The following COA8 variants were observed in gnomAD, a reference collection of about 807,000 sequenced individuals.
The protein encoded by COA8 is cytochrome c oxidase assembly factor 8, also known as UPF0671 protein C14orf153.
COA8 carries 20 observed loss-of-function variants against 22.0 expected under a neutral mutation model. That is an observed-to-expected ratio of 0.91 (90% confidence interval 0.64 to 1.32). The LOEUF (loss-of-function observed/expected upper bound fraction) is 1.32. Ranked by LOEUF, COA8 falls within the 40% of genes most tolerant of loss-of-function variation. The pLI, the probability that COA8 is intolerant of heterozygous loss-of-function variation, is 0.00. For synonymous variants in COA8, 105 were observed against 79.9 expected, an observed-to-expected ratio of 1.31 and a Z score of -1.68; for missense variants, 266 against 230.0, an observed-to-expected ratio of 1.16 and a Z score of -1.01.
At chr14:103,567,136 G>C (rs917253999) in intron 1 of COA8, among the ~76,000 whole-genome samples, 1 of 152,264 alleles carries the variant, frequency 6.6e-6, no homozygotes, top group South Asian at 2.1e-4. Context: ...ACGTTGGAAG[G>C]CCGAGGCAGG....
chr14:103,579,998 G>C (rs1489147902), intron 3 of COA8, among the ~76,000 whole-genome samples: 1 of 149,300 alleles, frequency 6.7e-6, no homozygotes, highest in Non-Finnish European at 1.5e-5. Flanking sequence ...CATGACAACT[G>C]TTCATACAGC....
intron 3 of COA8, among the ~76,000 whole-genome samples, chr14:103,580,030 A>T (rs932791501): frequency 6.6e-6 from 1 of 151,834 alleles, no homozygotes; most frequent in Non-Finnish European, 1.5e-5. Context: ...ATTAGGTATC[A>T]TAAGTAATCC....
chr14:103,565,341 A>C (rs1464153625), intron 1 of COA8, among the ~76,000 whole-genome samples: 1 of 152,130 alleles, frequency 6.6e-6, no homozygotes, highest in Non-Finnish European at 1.5e-5. Context: ...TTTAAAACTC[A>C]GCTTTTCAGA....
chr14:103,563,250 T>C (rs1595132283), intron 1 of COA8, 126 bp downstream of exon 1: 10 of 1,302,186 alleles, frequency 7.7e-6, no homozygotes, highest in Non-Finnish European at 1.1e-5. Context: ...TCTCGCGTCC[T>C]ATCCCGAACA....
chr14:103,572,865 C>T (rs1270808777), intron 2 of COA8, among the ~76,000 whole-genome samples: 1 of 152,060 alleles, frequency 6.6e-6, no homozygotes, highest in African/African-American at 2.4e-5. Flanking sequence ...TTACTGCACC[C>T]TCCACCTCCC....
Position 103,563,093 on chromosome 14 carries a change from G to C in COA8, c.92G>C (p.Gly31Ala). 6.5e-7 allele frequency: 1 copy of C among 1,539,704 alleles called. No individual in the cohort carries two copies. The highest frequency in any genetic ancestry group is 1.4e-5 in the African/African-American group (1 of 73,326). Residue 31 changes from glycine to alanine, a missense_variant, in exon 1 of 5, where the codon GGC becomes GCC. Coordinates refer to ENST00000409074, the MANE Select transcript of COA8 (RefSeq NM_001370595.2). ...GGCTGTCAACTCGCTCCGGAGCGCG[G>C]CGCCGAGCGCAGGGATACGGCGCCC... The part of the protein sequence containing the change: ...CRGCQLAPER[G>A]AERRDTAPSG...
Position 103,590,246 on chromosome 14 carries a change from G to A in COA8, c.542G>A (p.Trp181Ter). The change falls in exon 5 of 5, where the codon TGG (tryptophan) becomes TAG (stop). Residue 181 changes from tryptophan to a stop codon, truncating the protein, a stop_gained. Transcript: ENST00000409074. LOFTEE classifies it low-confidence loss of function (END_TRUNC). ...FMGKVALERI[W>*]NKLKQKQKKR... Reference sequence around the variant, plus strand: ...GGAAAAGTGGCCCTGGAAAGGATTTGGAACAAGCTTAAACAGAAACAAAAG... The same window carrying A: ...GGAAAAGTGGCCCTGGAAAGGATTTAGAACAAGCTTAAACAGAAACAAAAG... The A allele has an allele frequency of 6.2e-7, 1 of 1,614,090 alleles. No homozygotes were observed. Among genetic ancestry groups the A allele is most frequent in the Non-Finnish European group, 8.5e-7 (1 of 1,179,960 alleles).
At chr14:103,580,734 C>T (rs1030830043) in intron 3 of COA8, among the ~76,000 whole-genome samples, 1 of 151,674 alleles carries the variant, frequency 6.6e-6, no homozygotes, top group Non-Finnish European at 1.5e-5. Context: ...CACCTCAGAT[C>T]CACCCACCTC....
chr14:103,573,992 A>G (rs1025331312), intron 2 of COA8, 115 bp from the exon 3 acceptor site: 1 of 1,319,604 alleles, frequency 7.6e-7, no homozygotes, highest in African/African-American at 1.5e-5. Flanking sequence ...CTTCTCAGAA[A>G]ATCCACATCT....
intron 4 of COA8, 101 bp downstream of exon 4, chr14:103,587,465 G>T: frequency 3.2e-6 from 2 of 631,530 alleles, no homozygotes; most frequent in Non-Finnish European, 5.1e-6. Context: ...TATATCAGAG[G>T]TAGAAGTTGC....
chr14:103,577,025 G>A (rs905558718), intron 3 of COA8, among the ~76,000 whole-genome samples: 8 of 152,158 alleles, frequency 5.3e-5, no homozygotes, highest in African/African-American at 7.2e-5. Flanking sequence ...GACAAATAAC[G>A]TGACTACAAG....
chr14:103,585,565 T>C (rs1390502089), intron 3 of COA8, among the ~76,000 whole-genome samples: 1 of 150,056 alleles, frequency 6.7e-6, no homozygotes, highest in Non-Finnish European at 1.5e-5. Flanking sequence ...TCCCGTTCTA[T>C]AGGTTTTTTC....
rs772896010 is a variant in COA8, at chr14:103,574,269, G to T, written c.385+99G>T. The T allele has an allele frequency of 1.9e-6, 3 of 1,549,296 alleles. No individual in the cohort carries two copies. The East Asian group carries it at 6.7e-5, about 35-fold the overall frequency. ...GCGGTGAGAGAGGTGGGGAAGTTCA[G>T]GGCGGTCCTTGGCCTGCTTTGGGGC... On this transcript the variant is annotated intron_variant, in intron 3 of 4. Transcript: ENST00000409074.
At chr14:103,567,690 A>G (rs1282067708) in intron 1 of COA8, 3 of 152,282 alleles carry the variant, frequency 2.0e-5, no homozygotes, top group Non-Finnish European at 4.4e-5. Flanking sequence ...CCAGCCCACA[A>G]ATCATCTTTA....
At chr14:103,579,418 C>T (rs1285904042) in intron 3 of COA8, 6 of 197,972 alleles carry the variant, frequency 3.0e-5, no homozygotes, top group Non-Finnish European at 4.3e-5. Flanking sequence ...GGCACGATCT[C>T]GGCTCACTGC....
At chr14:103,564,571 CTTTT>C (rs561702478) in intron 1 of COA8, among the ~76,000 whole-genome samples, 24,039 of 91,742 alleles carry the variant, frequency 0.26, 3,112 homozygotes, top group East Asian at 0.36. Flanking sequence ...ATATACACTT[CTTTT>C]TTTTTTTTTT....
chr14:103,563,212 C>T, intron 1 of COA8, 88 bp downstream of exon 1: 7 of 1,481,498 alleles, frequency 4.7e-6, no homozygotes, highest in Non-Finnish European at 6.4e-6. Flanking sequence ...CTGTTCTGCA[C>T]AGCCGCCTCA....
At chr14:103,576,238 G>A (rs111438886) in intron 3 of COA8, among the ~76,000 whole-genome samples, 4,562 of 152,174 alleles carry the variant, frequency 0.03, 222 homozygotes, top group African/African-American at 0.1. Context: ...CCCAGGAGGC[G>A]GAGGTTGCGG....
chr14:103,571,867 C>G, intron 2 of COA8, 47 bp downstream of exon 2: 2 of 1,537,480 alleles, frequency 1.3e-6, no homozygotes, highest in Non-Finnish European at 1.8e-6. Context: ...GTGGCTCACG[C>G]CTGTAATCCC....
Sources: gnomAD v4.1 joint callset for allele counts (sites outside exome capture counted in the v4.1 genomes callset) on GRCh38, gnomAD v4.1.1 for gene constraint, MANE v1.5 for transcripts, NCBI Gene and HGNC (gene_info 2026-07-23, HGNC 2026-07-21) for gene names.